Variants in SUGCT observed in about 807,000 individuals in gnomAD.
SUGCT encodes the protein succinyl-CoA:glutarate-CoA transferase.
In SUGCT, 41 loss-of-function variants were observed where a neutral mutation model predicts 55.0. That is an observed-to-expected ratio of 0.74 (90% CI 0.58 to 0.97). The LOEUF (loss-of-function observed/expected upper bound fraction) is 0.97, where lower values mean the gene tolerates loss of function less well. SUGCT is among the 50% of genes least tolerant of loss of function. The probability of loss-of-function intolerance (pLI) is 0.00; values close to 1 mark genes in which losing one functional copy is unlikely to be tolerated. For missense variants in SUGCT, 568 were observed against 547.8 expected (o/e 1.04, Z -0.37); for synonymous variants, 187 against 200.4 (o/e 0.93, Z 0.56).
chr7:40,575,307 AT>A (rs1235835937), intron 12 of SUGCT, among the ~76,000 whole-genome samples: 1 of 152,136 alleles, frequency 6.6e-6, no homozygotes, highest in East Asian at 1.9e-4. Context: ...CACTTCTCTG[AT>A]TTAATTTCTT....
At chr7:40,699,894 T>G (rs896879872) in intron 12 of SUGCT, among the ~76,000 whole-genome samples, 3 of 152,100 alleles carry the variant, frequency 2.0e-5, no homozygotes, top group Non-Finnish European at 4.4e-5. Context: ...AGTTAAAAAA[T>G]AAATAAATGC....
At chr7:40,581,179 A>G (rs1029790942) in intron 12 of SUGCT, among the ~76,000 whole-genome samples, 6 of 152,226 alleles carry the variant, frequency 3.9e-5, no homozygotes, top group African/African-American at 1.2e-4. Flanking sequence ...GGCACTGGGT[A>G]TAATGGTTAA....
chr7:40,574,752 C>T (rs1275403869), intron 12 of SUGCT, among the ~76,000 whole-genome samples: 1 of 152,152 alleles, frequency 6.6e-6, no homozygotes, highest in African/African-American at 2.4e-5. Context: ...GTTTAATCTT[C>T]CAAAAGATTA....
At chr7:40,542,366 T>A (rs566994207) in intron 12 of SUGCT, among the ~76,000 whole-genome samples, 1 of 152,260 alleles carries the variant, frequency 6.6e-6, no homozygotes, top group East Asian at 1.9e-4. Flanking sequence ...CGGGTATAGC[T>A]CTACTCCCTT....
At chr7:40,478,281 T>C (rs1467461927) in intron 11 of SUGCT, among the ~76,000 whole-genome samples, 1 of 152,324 alleles carries the variant, frequency 6.6e-6, no homozygotes. Flanking sequence ...ACTGGAATTA[T>C]GGGCATGAGC....
the SUGCT span, among the ~76,000 whole-genome samples, chr7:41,022,840 A>G: frequency 6.6e-6 from 1 of 152,214 alleles, no homozygotes; most frequent in African/African-American, 2.4e-5. Context: ...GATAAAGAGA[A>G]GACACAAATT....
At chr7:40,924,638 G>T in the SUGCT span, among the ~76,000 whole-genome samples, 3 of 152,126 alleles carry the variant, frequency 2.0e-5, no homozygotes, top group South Asian at 6.2e-4. Flanking sequence ...ATGGATCCAA[G>T]GACCTCAGCT....
chr7:40,553,448 A>G lies in SUGCT; in HGVS notation c.1089+57062A>G, dbSNP rs188568469. 2.6e-3 allele frequency among the ~76,000 whole-genome samples: 401 copies of G among 152,332 alleles called. 3 individuals carry two copies. The highest frequency in any genetic ancestry group is 8.7e-3 in the African/African-American group (361 of 41,580). On this transcript the variant is annotated intron_variant, in intron 12 of 13. Coordinates refer to ENST00000335693, the MANE Select transcript of SUGCT (RefSeq NM_001193313.2). ...TGTAACCCTTGATCAATGCCATTGCACTTGCATGTTTTCTCTATCGAGATA... is the reference window on the plus strand; with the variant it reads ...TGTAACCCTTGATCAATGCCATTGCGCTTGCATGTTTTCTCTATCGAGATA...
chr7:40,152,984 C>T (rs1346897744), intron 1 of SUGCT: 7 of 183,742 alleles, frequency 3.8e-5, no homozygotes, highest in African/African-American at 1.2e-4. Flanking sequence ...GGATTACAGG[C>T]GTGAGCCACT....
At chr7:41,008,661 G>A in the SUGCT span, among the ~76,000 whole-genome samples, 1 of 151,944 alleles carries the variant, frequency 6.6e-6, no homozygotes, top group Admixed American at 6.6e-5. Context: ...GGAAGCTTGG[G>A]AGGCCTCTCG....
At chr7:40,443,040 A>G (rs1788605804) in intron 9 of SUGCT, among the ~76,000 whole-genome samples, 1 of 152,178 alleles carries the variant, frequency 6.6e-6, no homozygotes, top group African/African-American at 2.4e-5. Flanking sequence ...TGTCCCTACA[A>G]AGGACATGAA....
intron 9 of SUGCT, among the ~76,000 whole-genome samples, chr7:40,448,269 T>C (rs1788969698): frequency 7.8e-6 from 1 of 128,596 alleles, no homozygotes; most frequent in Non-Finnish European, 1.6e-5. Context: ...TTCCTTCTCC[T>C]TCCTTTGCTT....
Position 40,512,595 on chromosome 7 carries a change from C to A in SUGCT, c.1089+16209C>A, listed in dbSNP as rs189893089. 3.3e-5 allele frequency among the ~76,000 whole-genome samples: 5 copies of A among 152,076 alleles called. No individual in the cohort carries two copies. The East Asian group carries it at 9.7e-4, about 29-fold the overall frequency. ...TTATTTATTTTAATGATTTATATTT[C>A]ATTTATTTCATATACGAGTGAGATA... On this transcript the variant is annotated intron_variant, in intron 12 of 13. Coordinates refer to ENST00000335693, the MANE Select transcript of SUGCT (RefSeq NM_001193313.2).
At chr7:40,807,829 C>T (rs1465305271) in intron 13 of SUGCT, among the ~76,000 whole-genome samples, 1 of 152,162 alleles carries the variant, frequency 6.6e-6, no homozygotes, top group Non-Finnish European at 1.5e-5. Context: ...GTCCGATTCC[C>T]AAAGCTGAAG....
intron 13 of SUGCT, among the ~76,000 whole-genome samples, chr7:40,836,389 C>G (rs138283935): frequency 1.3e-5 from 2 of 152,124 alleles, no homozygotes; most frequent in Non-Finnish European, 2.9e-5. Context: ...TAACACCTTG[C>G]GTAACTATAT....
intron 12 of SUGCT, among the ~76,000 whole-genome samples, chr7:40,622,534 T>TG (rs1278957657): frequency 6.7e-6 from 1 of 149,216 alleles, no homozygotes; most frequent in African/African-American, 2.5e-5. Flanking sequence ...GGTTGTTTTT[T>TG]TTTTTTTTTT....
intron 12 of SUGCT, among the ~76,000 whole-genome samples, chr7:40,610,722 A>G (rs529703147): frequency 1.3e-5 from 2 of 152,170 alleles, no homozygotes; most frequent in Admixed American, 6.5e-5. Context: ...AGCAAATCCT[A>G]GTGATTCTGG....
chr7:40,798,731 G>T (rs1790671762), intron 13 of SUGCT, among the ~76,000 whole-genome samples: 1 of 136,596 alleles, frequency 7.3e-6, no homozygotes, highest in South Asian at 2.8e-4. Context: ...AATCCCTACT[G>T]TAAGTGCAGG....
At chr7:40,199,569 ATTTAAT>A (rs1195233975) in intron 6 of SUGCT, among the ~76,000 whole-genome samples, 2 of 152,190 alleles carry the variant, frequency 1.3e-5, no homozygotes, top group South Asian at 2.1e-4. Flanking sequence ...TCCCCTAACA[ATTTAAT>A]TTTAAGTTGT....
Sources: allele counts gnomAD v4.1 joint callset (sites outside exome capture counted in the v4.1 genomes callset), GRCh38; gene constraint gnomAD v4.1.1; transcripts MANE v1.5; gene names NCBI Gene and HGNC (gene_info 2026-07-23, HGNC 2026-07-21).